The following PARN variants were observed in gnomAD, a reference collection of about 807,000 sequenced individuals.
The protein encoded by PARN is poly(A)-specific ribonuclease.
A neutral mutation model predicts 102.8 loss-of-function variants in PARN; 71 were observed. The observed-to-expected ratio is 0.69, with a 90% CI of 0.57 to 0.84. PARN has a LOEUF of 0.84. PARN is among the 40% of genes least tolerant of loss of function. The pLI, the probability that PARN is intolerant of heterozygous loss-of-function variation, is 0.00. For synonymous variants in PARN, 261 were observed against 252.9 expected, an observed-to-expected ratio of 1.03 and a Z score of -0.30; for missense variants, 782 against 760.9, an observed-to-expected ratio of 1.03 and a Z score of -0.33.
At position 14,537,052 on chromosome 16, in the gene PARN, C is replaced by T. The variant is rs140026929; in HGVS notation, c.1480+14969G>A. Among the ~76,000 whole-genome samples, 9 of 152,248 alleles carry T rather than the reference C, an allele frequency of 5.9e-5. 1 individual carries two copies. The East Asian group carries it at 1.7e-3, about 29-fold the overall frequency. On this transcript the variant is annotated intron_variant, in intron 21 of 23. Transcript: ENST00000437198. Reference sequence around the variant, plus strand: ...TATTTGCAAACTATCCAAAAAGGGACTAATATTCAGAATATACAAGAACTC... The same window carrying T: ...TATTTGCAAACTATCCAAAAAGGGATTAATATTCAGAATATACAAGAACTC...
At chr16:14,563,522 G>GTGTGTGTGTGTA (rs1423811963) in intron 18 of PARN, among the ~76,000 whole-genome samples, 1 of 149,148 alleles carries the variant, frequency 6.7e-6, no homozygotes, top group African/African-American at 2.5e-5. Flanking sequence ...GTGTGTGTGT[G>GTGTGTGTGTGTA]TATATAATTC....
intron 13 of PARN, among the ~76,000 whole-genome samples, chr16:14,590,391 T>C (rs1483448681): frequency 1.3e-5 from 2 of 151,274 alleles, no homozygotes; most frequent in East Asian, 3.9e-4. Context: ...TCCCAGAACT[T>C]TGGGAGGCGG....
intron 3 of PARN, among the ~76,000 whole-genome samples, chr16:14,627,708 C>T (rs567952849): frequency 6.3e-4 from 96 of 152,234 alleles, no homozygotes; most frequent in Middle Eastern, 3.4e-3. Flanking sequence ...CACTTTAAGG[C>T]CAGGTGTGGT....
chr16:14,562,020 C>T (rs1407135283), intron 18 of PARN, among the ~76,000 whole-genome samples: 10 of 152,214 alleles, frequency 6.6e-5, no homozygotes, highest in South Asian at 2.1e-4. Flanking sequence ...GGGGTGGTGG[C>T]GCACGCCTGT....
Position 14,554,089 on chromosome 16 carries a change from G to C in PARN, c.1381C>G (p.Leu461Val), listed in dbSNP as rs1225884986. The change falls in exon 20 of 24, where the codon CTT (leucine) becomes GTT (valine). Residue 461 changes from leucine (L) to valine (V), a missense_variant. Physicochemically the swap from Leu to Val is conservative, Grantham distance 32. Transcript: ENST00000437198. ...TFPKEWKTSD[L>V]YQLFSAFGNI... ...CCAAAGGCACTGAAAAGCTGGTAAAGGTCGCTGGTTTTCCATTCTTTGGGG... is the reference window on the plus strand; with the variant it reads ...CCAAAGGCACTGAAAAGCTGGTAAACGTCGCTGGTTTTCCATTCTTTGGGG... 66 of 1,612,738 alleles carry C rather than the reference G, an allele frequency of 4.1e-5. No homozygotes were observed. The highest frequency in any genetic ancestry group is 5.4e-5 in the Non-Finnish European group (64 of 1,179,268).
chr16:14,459,762 A>G (rs990375356), intron 22 of PARN, among the ~76,000 whole-genome samples: 3 of 152,234 alleles, frequency 2.0e-5, no homozygotes, highest in Admixed American at 6.5e-5. Context: ...CTACAAAGCT[A>G]CAGTAATCAA....
chr16:14,609,884 T>A (rs527566529), intron 7 of PARN, among the ~76,000 whole-genome samples: 1 of 152,302 alleles, frequency 6.6e-6, no homozygotes, highest in East Asian at 1.9e-4. Flanking sequence ...ATTCAGTCCA[T>A]GCAAGTTTTA....
intron 18 of PARN, among the ~76,000 whole-genome samples, chr16:14,569,413 A>C (rs1968649346): frequency 6.6e-6 from 1 of 152,170 alleles, no homozygotes; most frequent in South Asian, 2.1e-4. Flanking sequence ...TATGATCTAC[A>C]GTTGAAAGAC....
At position 14,586,323 on chromosome 16, in the gene PARN, GA is replaced by G; in HGVS notation, c.956del (p.Phe319SerfsTer9). The G allele has an allele frequency of 1.9e-6, 3 of 1,548,232 alleles. No individual in the cohort carries two copies. The highest frequency in any genetic ancestry group is 1.8e-6 in the Non-Finnish European group (2 of 1,139,992). Reference protein sequence around the residue: ...SEFKEMTTCVFPRLLDTKLMA... With the variant: ...SEFKEMTTCVXPRLLDTKLMA... ...AATCCTCAAAGAAAGCTTACCTGGGGAAAACACATGTTGTCATCTCTTTAAA... is the reference window on the plus strand; with the variant it reads ...AATCCTCAAAGAAAGCTTACCTGGGGAAACACATGTTGTCATCTCTTTAAA... On this transcript the variant is annotated frameshift_variant, in exon 14 of 24. Transcript: ENST00000437198. LOFTEE classifies it high-confidence loss of function.
At chr16:14,501,982 T>TA (rs1964644853) in intron 21 of PARN, among the ~76,000 whole-genome samples, 2 of 152,302 alleles carry the variant, frequency 1.3e-5, no homozygotes, top group African/African-American at 4.8e-5. Flanking sequence ...AGATTATTTT[T>TA]AAAAAATGTG....
At chr16:14,580,116 C>T (rs1247611815) in intron 18 of PARN, among the ~76,000 whole-genome samples, 1 of 152,062 alleles carries the variant, frequency 6.6e-6, no homozygotes, top group Non-Finnish European at 1.5e-5. Context: ...TTTCTACAGG[C>T]GCCCGCCACC....
chr16:14,453,093 T>C lies in PARN; in HGVS notation c.1671-6012A>G, dbSNP rs16963755. Among the ~76,000 whole-genome samples the C allele has an allele frequency of 2.4e-3, 359 of 152,324 alleles. 5 individuals are homozygous for C. The East Asian group carries it at 0.048, about 20-fold the overall frequency. ...AAAACAATCTCCCATTTGTATGACC[T>C]CATTTTGCATACAGATTTATAATGT... is the stretch of plus-strand genomic sequence containing the variant. On this transcript the variant is annotated intron_variant, in intron 22 of 23. Coordinates refer to ENST00000437198, the MANE Select transcript of PARN (RefSeq NM_002582.4).
chr16:14,629,193 G>A (rs1972868721), intron 2 of PARN, among the ~76,000 whole-genome samples: 2 of 152,182 alleles, frequency 1.3e-5, no homozygotes, highest in South Asian at 2.1e-4. Context: ...CCTAGAGATG[G>A]ATGGTGATGT....
chr16:14,519,362 G>A (rs1282235021), intron 21 of PARN, among the ~76,000 whole-genome samples: 1 of 142,860 alleles, frequency 7.0e-6, no homozygotes, highest in Non-Finnish European at 1.5e-5. Context: ...GGAGGGGAGG[G>A]GAGGAAGAAC....
intron 21 of PARN, among the ~76,000 whole-genome samples, chr16:14,513,191 C>CT (rs749537335): frequency 6.6e-5 from 10 of 152,146 alleles, no homozygotes; most frequent in Non-Finnish European, 1.5e-5. Flanking sequence ...TCCCAAAGTG[C>CT]TGGGATTACA....
intron 21 of PARN, among the ~76,000 whole-genome samples, chr16:14,495,265 T>C (rs1964253021): frequency 6.6e-6 from 1 of 151,760 alleles, no homozygotes; most frequent in Non-Finnish European, 1.5e-5. Context: ...GGCGAGAGGA[T>C]CACTCGAGTT....
chr16:14,534,629 T>C (rs1966531780), intron 21 of PARN, among the ~76,000 whole-genome samples: 1 of 151,934 alleles, frequency 6.6e-6, no homozygotes, highest in Admixed American at 6.6e-5. Flanking sequence ...ATGGGAAAAA[T>C]CTCATTTTCA....
Position 14,482,649 on chromosome 16 carries a change from G to GT in PARN, c.1658dup (p.Tyr553Ter). ...CTGAGAGCTCTTACCTATTGTTGCG[G>GT]TAATAGTGATTCTGCAGGGTGTAGG... ...CIPYTLQNHY[Y>*]RNNSFTAPST... The change falls in exon 22 of 24, where the codon TAC becomes TAAC. Residue 553 changes from tyrosine (Y) to a stop codon, truncating the protein, a stop_gained and frameshift_variant. Coordinates refer to ENST00000437198, the MANE Select transcript of PARN (RefSeq NM_002582.4). LOFTEE classifies it high-confidence loss of function. 1 of 1,604,416 alleles carries GT rather than the reference G, an allele frequency of 6.2e-7. No individual in the cohort carries two copies. The highest frequency in any genetic ancestry group is 8.5e-7 in the Non-Finnish European group (1 of 1,176,524).
chr16:14,566,384 C>T (rs1968432729), intron 18 of PARN, among the ~76,000 whole-genome samples: 1 of 152,070 alleles, frequency 6.6e-6, no homozygotes, highest in South Asian at 2.1e-4. Flanking sequence ...TGGCCCTAAG[C>T]AGAGGGATGC....
Sources: gnomAD v4.1 joint callset for allele counts (sites outside exome capture counted in the v4.1 genomes callset) on GRCh38, gnomAD v4.1.1 for gene constraint, MANE v1.5 for transcripts, NCBI Gene and HGNC (gene_info 2026-07-23, HGNC 2026-07-21) for gene names.